Variants in SIRPB1 observed in about 807,000 individuals in gnomAD.
SIRPB1 encodes the protein signal regulatory protein beta 1.
Under a neutral mutation model 34.1 loss-of-function variants are expected in SIRPB1, and 28 were observed. The ratio of observed to expected loss-of-function variants is 0.82; its 90% CI spans 0.61 to 1.12. The LOEUF is 1.12. Ranked by LOEUF, SIRPB1 falls within the 50% of genes most tolerant of loss-of-function variation. The pLI, the probability that SIRPB1 is intolerant of heterozygous loss-of-function variation, is 0.00. For missense variants in SIRPB1, 499 were observed against 507.0 expected, an observed-to-expected ratio of 0.98 and a Z score of 0.15; for synonymous variants, 211 against 203.8, an observed-to-expected ratio of 1.04 and a Z score of -0.30.
At chr20:1,571,549 C>T (rs886405775) in intron 3 of SIRPB1, among the ~76,000 whole-genome samples, 171 bp downstream of exon 3, 2 of 152,206 alleles carry the variant, frequency 1.3e-5, no homozygotes, top group African/African-American at 4.8e-5. Flanking sequence ...TGCTGGTCCC[C>T]TGACAGCTGC....
chr20:1,570,977 G>C lies in SIRPB1; in HGVS notation c.912C>G (p.Asn304Lys). ...TCATCCAGTTGTAGGTGCCATCCTT[G>C]TTCTCTATGAGGGTCGAAGCTGTTT... is the stretch of plus-strand genomic sequence containing the variant. ...RTETASTLIE[N>K]KDGTYNWMSW... Residue 304 changes from asparagine to lysine, a missense_variant, in exon 4 of 6, where the codon AAC becomes AAG. Physicochemically the swap from Asn to Lys is moderately conservative, Grantham distance 94 (BLOSUM62 0). Coordinates refer to ENST00000381605, the MANE Select transcript of SIRPB1 (RefSeq NM_006065.5). 6.2e-7 allele frequency: 1 copy of C among 1,614,170 alleles called. No individual in the cohort carries two copies. The highest frequency in any genetic ancestry group is 8.5e-7 in the Non-Finnish European group (1 of 1,180,016).
At chr20:1,567,444 C>T (rs1198975789) in intron 4 of SIRPB1, among the ~76,000 whole-genome samples, 1 of 152,234 alleles carries the variant, frequency 6.6e-6, no homozygotes, top group Admixed American at 6.5e-5. Context: ...ACTCCTGCCT[C>T]CTCATTCCTG....
At chr20:1,615,812 A>C (rs2091620758) in intron 1 of SIRPB1, among the ~76,000 whole-genome samples, 2 of 152,236 alleles carry the variant, frequency 1.3e-5, no homozygotes. Context: ...GAATATATGA[A>C]AATTTCTATA....
At chr20:1,615,097 T>C (rs1490007385) in intron 1 of SIRPB1, among the ~76,000 whole-genome samples, 2 of 152,236 alleles carry the variant, frequency 1.3e-5, no homozygotes, top group Non-Finnish European at 2.9e-5. Flanking sequence ...TCTGGGGTGC[T>C]TGTGGCAACA....
At chr20:1,578,198 TG>T in intron 2 of SIRPB1, 139 bp downstream of exon 2, 1 of 943,392 alleles carries the variant, frequency 1.1e-6, no homozygotes, top group Non-Finnish European at 1.6e-6. Flanking sequence ...TCATGTGATC[TG>T]GAGAAAGGGT....
intron 4 of SIRPB1, among the ~76,000 whole-genome samples, chr20:1,569,970 C>A (rs2091202211): frequency 1.3e-5 from 2 of 152,174 alleles, no homozygotes; most frequent in Admixed American, 6.5e-5. Context: ...TGGGACAAAG[C>A]GCAGCAGAAA....
intron 1 of SIRPB1, among the ~76,000 whole-genome samples, chr20:1,618,624 C>T (rs565517296): frequency 6.6e-6 from 1 of 152,342 alleles, no homozygotes; most frequent in East Asian, 1.9e-4. Flanking sequence ...GACCCCTGCC[C>T]TCTAGGGCCT....
chr20:1,577,074 T>G (rs1253621864), intron 2 of SIRPB1, among the ~76,000 whole-genome samples: 1 of 148,320 alleles, frequency 6.7e-6, no homozygotes, highest in Non-Finnish European at 1.5e-5. Context: ...ATGTGGAATC[T>G]CGATATGAAA....
rs2091086585 is a variant in SIRPB1, at chr20:1,561,990, T to C, written c.*3510A>G. On this transcript the variant is annotated 3_prime_UTR_variant, in exon 6 of 6. Coordinates refer to ENST00000381605, the MANE Select transcript of SIRPB1 (RefSeq NM_006065.5). ...TCCCATTAATTTATTCAATCATTTA[T>C]TTATATCAGTATGGACTCAGATATT... is the stretch of plus-strand genomic sequence containing the variant. Among the ~76,000 whole-genome samples, 1 of 152,220 alleles carries C rather than the reference T, an allele frequency of 6.6e-6. No homozygotes were observed. The highest frequency in any genetic ancestry group is 6.5e-5 in the Admixed American group (1 of 15,282).
chr20:1,577,551 G>A (rs1279326427), intron 2 of SIRPB1, among the ~76,000 whole-genome samples: 2 of 147,306 alleles, frequency 1.4e-5, no homozygotes, highest in Non-Finnish European at 3.0e-5. Flanking sequence ...CCCACTTGTG[G>A]GACCTCTTTC....
At chr20:1,615,356 G>A (rs1392250352) in intron 1 of SIRPB1, among the ~76,000 whole-genome samples, 1 of 151,924 alleles carries the variant, frequency 6.6e-6, no homozygotes, top group Non-Finnish European at 1.5e-5. Flanking sequence ...GTTATCTATT[G>A]GGCTCTCCTG....
Position 1,605,179 on chromosome 20 carries a change from A to G in SIRPB1, c.76+14690T>C, listed in dbSNP as rs796795110. ...TTTTTATCCTTCCAATAATGTGGAA[A>G]GATTAATGAGGGTGGTGTCCTTATT... is the stretch of plus-strand genomic sequence containing the variant. On this transcript the variant is annotated intron_variant, in intron 1 of 5. Coordinates refer to ENST00000381605, the MANE Select transcript of SIRPB1 (RefSeq NM_006065.5). 2 of 450,086 alleles carry G rather than the reference A, an allele frequency of 4.4e-6. 1 individual carries two copies. Among genetic ancestry groups the G allele is most frequent in the Non-Finnish European group, 6.1e-6 (2 of 330,002 alleles). The allele number at this position is 450,086 out of a possible 1,614,324, so 27.9% of individuals were successfully genotyped here.
intron 1 of SIRPB1, among the ~76,000 whole-genome samples, chr20:1,599,334 A>T (rs2091467336): frequency 2.0e-5 from 1 of 48,994 alleles, no homozygotes; most frequent in Admixed American, 1.4e-4. Flanking sequence ...AGGGAAGCCC[A>T]TCATTATGTC....
At chr20:1,577,266 C>T (rs1409268018) in intron 2 of SIRPB1, among the ~76,000 whole-genome samples, 1 of 148,008 alleles carries the variant, frequency 6.8e-6, no homozygotes, top group East Asian at 1.9e-4. Flanking sequence ...TCTATGGAGA[C>T]AGCGTCTAAT....
In SIRPB1 at chr20:1,564,818, CT is replaced by C. The variant is rs1399302129; in HGVS notation, c.*681del. The C allele has an allele frequency of 2.5e-6, 1 of 398,118 alleles. No homozygotes were observed. The highest frequency in any genetic ancestry group is 2.1e-5 in the African/African-American group (1 of 48,606). The allele number at this position is 398,118 out of a possible 1,614,324, so 24.7% of individuals were successfully genotyped here. On this transcript the variant is annotated 3_prime_UTR_variant, in exon 6 of 6. Coordinates refer to ENST00000381605, the MANE Select transcript of SIRPB1 (RefSeq NM_006065.5). ...AAGTCCATTGTTAAACATTTACCAT[CT>C]CATGTAAGTGGACACATGCATTTTG...
chr20:1,593,277 G>A (rs2091447882), intron 1 of SIRPB1, among the ~76,000 whole-genome samples: 1 of 49,162 alleles, frequency 2.0e-5, no homozygotes, highest in Admixed American at 1.4e-4. Context: ...AGGATAGCCA[G>A]ATTTTACTTT....
chr20:1,580,004 T>C (rs1182421951), intron 1 of SIRPB1, among the ~76,000 whole-genome samples: 1 of 148,536 alleles, frequency 6.7e-6, no homozygotes, highest in Non-Finnish European at 1.5e-5. Flanking sequence ...GCTGTTGACA[T>C]ACAACACATG....
chr20:1,618,502 CA>C (rs1354509158), intron 1 of SIRPB1, among the ~76,000 whole-genome samples: 1 of 152,220 alleles, frequency 6.6e-6, no homozygotes. Flanking sequence ...GGAGCTAAAA[CA>C]GGCAAAATGC....
Position 1,566,150 on chromosome 20 carries a change from TAC to T in SIRPB1, c.*2+1_*2+2del, listed in dbSNP as rs2091128558. On this transcript the variant is annotated splice_donor_variant, in intron 5 of 5. Coordinates refer to ENST00000381605, the MANE Select transcript of SIRPB1 (RefSeq NM_006065.5). LOFTEE classifies it low-confidence loss of function (3UTR_SPLICE). ...TGGTCAGTCCTCCCTCTCCTAAACT[TAC>T]AGTCAGGCCTTCTGTTTCCAGCAGA... The T allele has an allele frequency of 6.3e-7, 1 of 1,591,070 alleles. No homozygotes were observed. The highest frequency in any genetic ancestry group is 1.3e-5 in the African/African-American group (1 of 74,684).
Sources: gnomAD v4.1 joint callset for allele counts (sites outside exome capture counted in the v4.1 genomes callset) on GRCh38, gnomAD v4.1.1 for gene constraint, MANE v1.5 for transcripts, NCBI Gene and HGNC (gene_info 2026-07-23, HGNC 2026-07-21) for gene names.